The following CDH13 variants were observed in gnomAD, a reference collection of about 807,000 sequenced individuals.
The protein encoded by CDH13 is cadherin 13.
In CDH13, 24 loss-of-function variants were observed where a neutral mutation model predicts 63.8. The observed-to-expected ratio is 0.38, with a 90% CI of 0.27 to 0.53. The LOEUF (loss-of-function observed/expected upper bound fraction) is 0.53, where lower values mean the gene tolerates loss of function less well. Ranked by LOEUF, CDH13 falls within the 20% of genes least tolerant of loss-of-function variation. The pLI is 0.85. For synonymous variants in CDH13, 503 were observed against 355.3 expected (o/e 1.42, Z -4.67); for missense variants, 1,049 against 903.1 (o/e 1.16, Z -2.07).
chr16:83,441,194 G>A (rs190189945), intron 6 of CDH13, among the ~76,000 whole-genome samples: 29 of 152,324 alleles, frequency 1.9e-4, no homozygotes, highest in Admixed American at 1.4e-3. Context: ...ATCTTCCAGA[G>A]ACTCCTCTCG....
At chr16:82,917,587 A>AAGCGTAT (rs2042028642) in intron 2 of CDH13, among the ~76,000 whole-genome samples, 5 of 152,300 alleles carry the variant, frequency 3.3e-5, no homozygotes, top group Admixed American at 3.3e-4. Context: ...TTGTGACAAA[A>AAGCGTAT]TGTGAACTTC....
intron 1 of CDH13, among the ~76,000 whole-genome samples, chr16:82,780,417 A>C (rs1244090528): frequency 6.6e-6 from 1 of 152,246 alleles, no homozygotes; most frequent in Non-Finnish European, 1.5e-5. Context: ...CAGTCATGAC[A>C]GTCCCCATAG....
intron 7 of CDH13, among the ~76,000 whole-genome samples, chr16:83,551,086 A>ATCTG (rs1243074195): frequency 2.8e-4 from 42 of 150,704 alleles, no homozygotes; most frequent in African/African-American, 9.6e-4. Context: ...CTATCTATCT[A>ATCTG]TCTATCTATC....
intron 4 of CDH13, among the ~76,000 whole-genome samples, chr16:83,177,035 A>G (rs564331148): frequency 1.3e-5 from 2 of 152,300 alleles, no homozygotes; most frequent in African/African-American, 2.4e-5. Context: ...AATGTTCTCT[A>G]TCTGCACATC....
At chr16:83,267,516 G>A (rs78341439) in intron 5 of CDH13, among the ~76,000 whole-genome samples, 1 of 152,142 alleles carries the variant, frequency 6.6e-6, no homozygotes, top group African/African-American at 2.4e-5. Flanking sequence ...ATGATATTAA[G>A]AGGTAAGACC....
In CDH13 at chr16:82,633,831, C is replaced by T. The variant is rs1326313687; in HGVS notation, c.45+6694C>T. On this transcript the variant is annotated intron_variant, in intron 1 of 13. Transcript: ENST00000567109. ...GCTCTCTGGCTCTGTAAATACTAGACTAATCTGTCTGCCTCATCCCATACC... is the reference window on the plus strand; with the variant it reads ...GCTCTCTGGCTCTGTAAATACTAGATTAATCTGTCTGCCTCATCCCATACC... Among the ~76,000 whole-genome samples the T allele has an allele frequency of 3.3e-5, 5 of 152,336 alleles. 1 individual carries two copies. The highest frequency in any genetic ancestry group is 3.3e-4 in the Admixed American group (5 of 15,306).
At chr16:82,723,064 G>A (rs966504888) in intron 1 of CDH13, 2 of 152,212 alleles carry the variant, frequency 1.3e-5, no homozygotes, top group African/African-American at 4.8e-5. Context: ...TCCAACATCT[G>A]GAAATGAGTA....
chr16:82,827,180 G>T (rs2038296088), intron 1 of CDH13, among the ~76,000 whole-genome samples: 1 of 152,092 alleles, frequency 6.6e-6, no homozygotes, highest in Non-Finnish European at 1.5e-5. Context: ...GTAGTTGTTG[G>T]ACTCTTAGAA....
At chr16:83,507,140 T>G (rs1273343655) in intron 7 of CDH13, among the ~76,000 whole-genome samples, 1 of 152,224 alleles carries the variant, frequency 6.6e-6, no homozygotes, top group Non-Finnish European at 1.5e-5. Context: ...CTCTGTGGAC[T>G]TTTTCTGGTC....
chr16:82,979,015 T>C (rs1353383583), intron 2 of CDH13, among the ~76,000 whole-genome samples: 1 of 152,212 alleles, frequency 6.6e-6, no homozygotes, highest in Non-Finnish European at 1.5e-5. Flanking sequence ...ACCTCTAGCA[T>C]CATCATGCCC....
At chr16:83,755,405 G>A (rs541508142) in intron 11 of CDH13, among the ~76,000 whole-genome samples, 2 of 152,230 alleles carry the variant, frequency 1.3e-5, no homozygotes. Flanking sequence ...TAATGTCCAG[G>A]AATTTTCCAA....
chr16:83,718,234 A>G (rs935688790), intron 10 of CDH13, among the ~76,000 whole-genome samples: 2 of 152,226 alleles, frequency 1.3e-5, no homozygotes, highest in Non-Finnish European at 2.9e-5. Flanking sequence ...TGAATCCCAG[A>G]GGAACACACT....
intron 8 of CDH13, among the ~76,000 whole-genome samples, chr16:83,648,459 G>A (rs942768484): frequency 1.3e-5 from 2 of 152,120 alleles, no homozygotes; most frequent in Non-Finnish European, 2.9e-5. Context: ...TCCTTCCTGG[G>A]TGGTGTCCAT....
rs150998505 is a variant in CDH13 at position 83,077,874 on chromosome 16, A to G, written c.366+45656A>G. On this transcript the variant is annotated intron_variant, in intron 3 of 13. Transcript: ENST00000567109. Reference sequence around the variant, plus strand: ...TCCTCACAAACATTTGCTGTTACTGATCTTTTTAATTTTAGCGATTCTGGT... The same window carrying G: ...TCCTCACAAACATTTGCTGTTACTGGTCTTTTTAATTTTAGCGATTCTGGT... 5.0e-3 allele frequency among the ~76,000 whole-genome samples: 761 copies of G among 152,224 alleles called. 4 individuals are homozygous for G. The highest frequency in any genetic ancestry group is 0.018 in the African/African-American group (731 of 41,554).
chr16:83,525,812 A>G (rs2074947324), intron 7 of CDH13, among the ~76,000 whole-genome samples: 1 of 152,218 alleles, frequency 6.6e-6, no homozygotes, highest in African/African-American at 2.4e-5. Flanking sequence ...GAAAATGTGA[A>G]GACTGAAGAA....
At chr16:83,650,274 A>T (rs1245667522) in intron 8 of CDH13, among the ~76,000 whole-genome samples, 1 of 152,212 alleles carries the variant, frequency 6.6e-6, no homozygotes, top group Non-Finnish European at 1.5e-5. Context: ...TAATTCAAAA[A>T]TTGTAGGGTA....
intron 2 of CDH13, among the ~76,000 whole-genome samples, chr16:82,885,972 G>C (rs1389818827): frequency 1.3e-5 from 2 of 152,070 alleles, no homozygotes; most frequent in African/African-American, 4.8e-5. Flanking sequence ...TAACTTAACA[G>C]AGTTTTCAAG....
At chr16:83,600,000 G>A (rs559716564) in intron 7 of CDH13, among the ~76,000 whole-genome samples, 13 of 152,298 alleles carry the variant, frequency 8.5e-5, no homozygotes, top group African/African-American at 3.1e-4. Context: ...GCTCGTCAGT[G>A]ATGACAAGCA....
intron 2 of CDH13, among the ~76,000 whole-genome samples, chr16:83,025,316 C>G (rs1915699860): frequency 6.6e-6 from 1 of 152,144 alleles, no homozygotes; most frequent in African/African-American, 2.4e-5. Flanking sequence ...TAAAGACATA[C>G]CTGGGACAGG....
Sources: gnomAD v4.1 joint callset for allele counts (sites outside exome capture counted in the v4.1 genomes callset) on GRCh38, gnomAD v4.1.1 for gene constraint, MANE v1.5 for transcripts, NCBI Gene and HGNC (gene_info 2026-07-23, HGNC 2026-07-21) for gene names.